CHD5: variants seen among roughly 807,000 people sequenced by gnomAD.
CHD5 encodes chromodomain helicase DNA binding protein 5, also known as ATP-dependent chromatin remodeler CHD5.
A neutral mutation model predicts 230.3 loss-of-function variants in CHD5; 69 were observed. That is an observed-to-expected ratio of 0.30 (90% CI 0.25 to 0.37). CHD5 has a LOEUF of 0.37. Among genes scored for constraint, CHD5 ranks in the 10% least tolerant of loss-of-function variants. The pLI, the probability that CHD5 is intolerant of heterozygous loss-of-function variation, is 1.00. For synonymous variants in CHD5, 1,064 were observed against 1,065.9 expected (o/e 1.00, Z 0.03); for missense variants, 1,827 against 2,622.8 (o/e 0.70, Z 6.63).
chr1:6,143,196 G>A (rs1666856424), intron 13 of CHD5, among the ~76,000 whole-genome samples: 1 of 152,040 alleles, frequency 6.6e-6, no homozygotes. Context: ...GGGACCACAG[G>A]CACACCACCG....
intron 38 of CHD5, among the ~76,000 whole-genome samples, chr1:6,108,575 A>G (rs1034321149): frequency 1.0e-4 from 15 of 143,912 alleles, no homozygotes; most frequent in Non-Finnish European, 1.7e-4. Flanking sequence ...TGAAGGGATA[A>G]TGGAGGGATG....
chr1:6,136,996 G>T, intron 15 of CHD5, 131 bp from the exon 16 acceptor site: 1 of 940,444 alleles, frequency 1.1e-6, no homozygotes, highest in Non-Finnish European at 1.5e-6. Context: ...GGGCCGGCCA[G>T]CCTAGGACCA....
In CHD5 at chr1:6,171,486, C is replaced by T. The variant is rs371437503; in HGVS notation, c.80-3209G>A. Among the ~76,000 whole-genome samples the T allele has an allele frequency of 4.8e-4, 72 of 150,090 alleles. 1 individual carries two copies. The South Asian group carries it at 7.7e-3, about 16-fold the overall frequency. Reference sequence around the variant, plus strand: ...GGTGGGTGGCCCTGAGGTCACCACACGCCTGATTCTCTATGACACTGCCCC... The same window carrying T: ...GGTGGGTGGCCCTGAGGTCACCACATGCCTGATTCTCTATGACACTGCCCC... On this transcript the variant is annotated intron_variant, in intron 1 of 41. Transcript: ENST00000262450.
In CHD5 at chr1:6,146,548, C is replaced by A; in HGVS notation, c.1590+117G>T. Reference sequence around the variant, plus strand: ...GACAATCCTCCCGCTCAGCACCACCCCAACTCCCAACAGCACCCCTCAGTC... The same window carrying A: ...GACAATCCTCCCGCTCAGCACCACCACAACTCCCAACAGCACCCCTCAGTC... On this transcript the variant is annotated intron_variant, in intron 10 of 41. Coordinates refer to ENST00000262450, the MANE Select transcript of CHD5 (RefSeq NM_015557.3). This position sits in a 1 kb window ranked among gnomAD's most constrained non-coding sequence, Gnocchi z 5.1. 3 of 1,384,762 alleles carry A rather than the reference C, an allele frequency of 2.2e-6. No individual in the cohort carries two copies. The highest frequency in any genetic ancestry group is 1.2e-5 in the South Asian group (1 of 83,948). 85.8% of individuals were successfully genotyped at this position (1,384,762 alleles called of 1,614,324 possible).
chr1:6,107,174 G>GGAGGGATGGGGGAAGA (rs1557533963), intron 38 of CHD5, among the ~76,000 whole-genome samples: 4 of 127,172 alleles, frequency 3.1e-5, no homozygotes, highest in Non-Finnish European at 4.9e-5. Flanking sequence ...TGGAGGGAAG[G>GGAGGGATGGGGGAAGA]TGGAGGGATG....
chr1:6,126,973 G>T lies in CHD5; in HGVS notation c.3904-227C>A. ...ACTTATTCATCCATCCATTCACAAA[G>T]CAAGTATTTCCTCGCCTCCTGTCAA... On this transcript the variant is annotated intron_variant, in intron 25 of 41. Coordinates refer to ENST00000262450, the MANE Select transcript of CHD5 (RefSeq NM_015557.3). This position sits in a 1 kb window ranked among gnomAD's most constrained non-coding sequence, Gnocchi z 5.7. 1.7e-6 allele frequency: 1 copy of T among 577,124 alleles called. No homozygotes were observed. Among genetic ancestry groups the T allele is most frequent in the South Asian group, 2.1e-5 (1 of 48,220 alleles). The allele number at this position is 577,124 out of a possible 1,614,324, so 35.8% of individuals were successfully genotyped here. A position where few individuals can be genotyped will look rare whatever the true frequency, so the allele number is the denominator to read the frequency against.
rs879917627 is a variant in CHD5 at position 6,130,503 on chromosome 1, G to A, written c.3263-175C>T. On this transcript the variant is annotated intron_variant, in intron 21 of 41. Coordinates refer to ENST00000262450, the MANE Select transcript of CHD5 (RefSeq NM_015557.3). The surrounding 1 kb of genome is among the most constrained non-coding windows in gnomAD (Gnocchi z 4.9). ...GCCACAGCTGCACTCAGGGGAGCCA[G>A]AGGAGGCCTGCCCAAGCCCACTTAG... 6.0e-4 allele frequency among the ~76,000 whole-genome samples: 92 copies of A among 152,272 alleles called. No homozygotes were observed. Among genetic ancestry groups the A allele is most frequent in the Middle Eastern group, 3.4e-3 (1 of 294 alleles).
chr1:6,107,737 T>G (rs1571135767), intron 38 of CHD5, among the ~76,000 whole-genome samples: 23 of 75,302 alleles, frequency 3.1e-4, no homozygotes, highest in South Asian at 8.5e-4. Context: ...GGATGAGGGA[T>G]GATGGATGAT....
intron 33 of CHD5, among the ~76,000 whole-genome samples, chr1:6,113,936 A>T (rs1287310275): frequency 1.3e-5 from 2 of 152,134 alleles, no homozygotes; most frequent in African/African-American, 4.8e-5. Context: ...CCCAGAGGAC[A>T]CGGAGCTCCT....
chr1:6,136,004 T>C (rs1287519489), intron 17 of CHD5, among the ~76,000 whole-genome samples: 1 of 143,284 alleles, frequency 7.0e-6, no homozygotes, highest in Non-Finnish European at 1.5e-5. Flanking sequence ...AGTGAGACTC[T>C]TTCTTTTAAT....
In CHD5 at chr1:6,129,037, G is replaced by T. The variant is rs1666609614; in HGVS notation, c.3420C>A (p.Asn1140Lys). ...CGAAGCGGTAGATCATCACCTTCTT[G>T]TTCTGGCCGATGCGGTGGGCGCGGC... ...AFSRAHRIGQNKKVMIYRFVT... is the reference protein window; with the variant it reads ...AFSRAHRIGQKKKVMIYRFVT... Residue 1140 changes from asparagine (N) to lysine (K), a missense_variant, in exon 23 of 42, where the codon AAC becomes AAA. Asn to Lys is a moderately conservative substitution (Grantham distance 94, BLOSUM62 0). Transcript: ENST00000262450. This position sits in a 1 kb window ranked among gnomAD's most constrained non-coding sequence, Gnocchi z 6.8. 6.2e-7 allele frequency: 1 copy of T among 1,609,036 alleles called. No homozygotes were observed. Among genetic ancestry groups the T allele is most frequent in the Non-Finnish European group, 8.5e-7 (1 of 1,178,394 alleles).
chr1:6,142,657 T>A lies in CHD5; in HGVS notation c.2044-52A>T, dbSNP rs888758341. On this transcript the variant is annotated intron_variant, in intron 13 of 41. Coordinates refer to ENST00000262450, the MANE Select transcript of CHD5 (RefSeq NM_015557.3). This position sits in a 1 kb window ranked among gnomAD's most constrained non-coding sequence, Gnocchi z 5.2. ...CGCCCCAGATCCTGGGCCACCAGAG[T>A]CCACACTACAGGCCTTTGCACATGC... 7 of 1,561,808 alleles carry A rather than the reference T, an allele frequency of 4.5e-6. No homozygotes were observed. Among genetic ancestry groups the A allele is most frequent in the Admixed American group, 1.7e-5 (1 of 57,812 alleles).
chr1:6,153,289 G>C (rs549498057), intron 5 of CHD5, among the ~76,000 whole-genome samples: 1 of 152,226 alleles, frequency 6.6e-6, no homozygotes, highest in African/African-American at 2.4e-5. Context: ...TCAGCAGCTG[G>C]AGCGCGAGAG....
chr1:6,150,476 G>A lies in CHD5; in HGVS notation c.994+556C>T, dbSNP rs564160182. Reference sequence around the variant, plus strand: ...TGGATGGATGGATGGACGGACGGACGGACGGACGGATGGACAAAAGGATGG... The same window carrying A: ...TGGATGGATGGATGGACGGACGGACAGACGGACGGATGGACAAAAGGATGG... On this transcript the variant is annotated intron_variant, in intron 7 of 41. Transcript: ENST00000262450. Among the ~76,000 whole-genome samples, 15 of 114,500 alleles carry A rather than the reference G, an allele frequency of 1.3e-4. No individual in the cohort carries two copies. In the South Asian group the frequency reaches 4.1e-3, roughly 32 times the overall value. 75.1% of individuals were successfully genotyped at this position (114,500 alleles called of 152,430 possible).
In CHD5 at chr1:6,169,016, C is replaced by CAAAA. The variant is rs796551533; in HGVS notation, c.80-743_80-740dup. Among the ~76,000 whole-genome samples the CAAAA allele has an allele frequency of 1.7e-4, 17 of 98,884 alleles. No individual in the cohort carries two copies. The South Asian group carries it at 5.3e-3, about 31-fold the overall frequency. 64.9% of individuals were successfully genotyped at this position (98,884 alleles called of 152,430 possible). A position where few individuals can be genotyped will look rare whatever the true frequency, so the allele number is the denominator to read the frequency against. On this transcript the variant is annotated intron_variant, in intron 1 of 41. Transcript: ENST00000262450. ...CCTGGGCAACAGAGTGAGACTCCAT[C>CAAAA]AAAAAAAAAAAAAAAAAAGAGAGAG... is the stretch of plus-strand genomic sequence containing the variant.
chr1:6,171,514 C>CT (rs1034222656), intron 1 of CHD5, among the ~76,000 whole-genome samples: 32 of 151,892 alleles, frequency 2.1e-4, no homozygotes, highest in African/African-American at 7.3e-4. Flanking sequence ...ACTGCCCCCC[C>CT]CAACACCTCA....
In CHD5 at chr1:6,125,321, G is replaced by T; in HGVS notation, c.4261-88C>A. ...GGGATGGGGGAAGAAAAGCATGGGA[G>T]GAGGAGAAGGTAGGAAGGGGGCACA... On this transcript the variant is annotated intron_variant, in intron 28 of 41. Transcript: ENST00000262450. The surrounding 1 kb of genome is among the most constrained non-coding windows in gnomAD (Gnocchi z 6.7). 3 of 1,405,448 alleles carry T rather than the reference G, an allele frequency of 2.1e-6. No individual in the cohort carries two copies. The highest frequency in any genetic ancestry group is 2.9e-6 in the Non-Finnish European group (3 of 1,039,648). The allele number at this position is 1,405,448 out of a possible 1,614,324, so 87.1% of individuals were successfully genotyped here.
At chr1:6,152,284 G>T in intron 6 of CHD5, 128 bp downstream of exon 6, 1 of 1,005,196 alleles carries the variant, frequency 9.9e-7, no homozygotes. Context: ...AAGGAGAATA[G>T]TGGAGGGGTG....
At chr1:6,158,641 G>T (rs1414862243) in intron 3 of CHD5, among the ~76,000 whole-genome samples, 1 of 151,710 alleles carries the variant, frequency 6.6e-6, no homozygotes, top group African/African-American at 2.4e-5. Flanking sequence ...AAGAAAAAAA[G>T]AACAGGCTGG....
Sources: allele counts gnomAD v4.1 joint callset (sites outside exome capture counted in the v4.1 genomes callset), GRCh38; gene constraint gnomAD v4.1.1; non-coding constraint Gnocchi (gnomAD v3.1); transcripts MANE v1.5; gene names NCBI Gene and HGNC (gene_info 2026-07-23, HGNC 2026-07-21).